The following PGPEP1L variants were observed in gnomAD, a reference collection of about 807,000 sequenced individuals.
PGPEP1L encodes pyroglutamyl-peptidase I like, also known as pyroglutamyl-peptidase 1-like protein.
PGPEP1L carries 7 observed loss-of-function variants against 6.0 expected under a neutral mutation model. The ratio of observed to expected loss-of-function variants is 1.17; its 90% CI spans 0.66 to 2.19. The LOEUF is 2.19. Ranked by LOEUF, PGPEP1L falls within the 30% of genes most tolerant of loss-of-function variation. The pLI is 0.00. For synonymous variants in PGPEP1L, 103 were observed against 83.9 expected (o/e 1.23, Z -1.24); for missense variants, 209 against 192.5 (o/e 1.09, Z -0.51).
intron 2 of PGPEP1L, among the ~76,000 whole-genome samples, chr15:99,001,650 G>A (rs1230943326): frequency 6.6e-6 from 1 of 152,162 alleles, no homozygotes; most frequent in African/African-American, 2.4e-5. Context: ...ATTACTCCAA[G>A]TGAAAAAGAA....
chr15:98,977,782 T>C (rs1349863513), intron 2 of PGPEP1L, among the ~76,000 whole-genome samples: 1 of 152,256 alleles, frequency 6.6e-6, no homozygotes, highest in Non-Finnish European at 1.5e-5. Context: ...TCGTTGACTA[T>C]TAACTGTGAA....
At chr15:98,985,097 C>T (rs912636339) in intron 2 of PGPEP1L, among the ~76,000 whole-genome samples, 11 of 152,072 alleles carry the variant, frequency 7.2e-5, no homozygotes, top group East Asian at 1.9e-4. Flanking sequence ...AGGCACTGGA[C>T]GCAGAGCTTG....
At chr15:98,983,813 G>A (rs2017703755) in intron 2 of PGPEP1L, among the ~76,000 whole-genome samples, 1 of 151,734 alleles carries the variant, frequency 6.6e-6, no homozygotes, top group Non-Finnish European at 1.5e-5. Flanking sequence ...ATAATAATCT[G>A]TCTGTATTTT....
At chr15:98,969,832 GA>G (rs2017467669) in intron 3 of PGPEP1L, among the ~76,000 whole-genome samples, 181 bp from the exon 4 acceptor site, 1 of 152,094 alleles carries the variant, frequency 6.6e-6, no homozygotes, top group African/African-American at 2.4e-5. Context: ...TGGCTGGAAA[GA>G]AAAACAGCTG....
rs564512546 is a variant in PGPEP1L, at chr15:99,006,516, A to G, written c.-370+843T>C. 9.2e-5 allele frequency among the ~76,000 whole-genome samples: 14 copies of G among 152,380 alleles called. No individual in the cohort carries two copies. In the South Asian group the frequency reaches 2.7e-3, roughly 29 times the overall value. On this transcript the variant is annotated intron_variant, in intron 1 of 4. Transcript: ENST00000535714. Reference sequence around the variant, plus strand: ...GTTTTCCAATATCTTGATCTTTCGGAGAATTCTATTTAAAAACAAAACAAA... The same window carrying G: ...GTTTTCCAATATCTTGATCTTTCGGGGAATTCTATTTAAAAACAAAACAAA...
intron 4 of PGPEP1L, among the ~76,000 whole-genome samples, 189 bp from the exon 5 acceptor site, chr15:98,968,886 C>A (rs1298465044): frequency 6.6e-6 from 1 of 152,210 alleles, no homozygotes; most frequent in African/African-American, 2.4e-5. Flanking sequence ...GGCTCTTGGC[C>A]TCATGGCCTC....
chr15:98,998,313 C>G (rs377042865), intron 2 of PGPEP1L: 1 of 152,444 alleles, frequency 6.6e-6, no homozygotes, highest in African/African-American at 2.4e-5. Flanking sequence ...TGCACGTCCC[C>G]TTCCCCATGG....
intron 2 of PGPEP1L, among the ~76,000 whole-genome samples, chr15:98,983,697 G>C (rs748358688): frequency 6.6e-6 from 1 of 152,190 alleles, no homozygotes; most frequent in Non-Finnish European, 1.5e-5. Flanking sequence ...GCCCGTCCTA[G>C]TCTGGCTCAA....
At chr15:98,988,619 CCAG>C (rs2017780109) in intron 2 of PGPEP1L, among the ~76,000 whole-genome samples, 1 of 152,208 alleles carries the variant, frequency 6.6e-6, no homozygotes, top group African/African-American at 2.4e-5. Context: ...AGCGGATCTC[CCAG>C]CAGTGTCTGA....
At chr15:98,977,964 G>C (rs1160862833) in intron 2 of PGPEP1L, among the ~76,000 whole-genome samples, 1 of 152,156 alleles carries the variant, frequency 6.6e-6, no homozygotes, top group Non-Finnish European at 1.5e-5. Context: ...GTGAGCTCTA[G>C]AACACAGCTC....
intron 1 of PGPEP1L, among the ~76,000 whole-genome samples, chr15:99,007,047 C>A (rs1555473754): frequency 1.3e-5 from 2 of 152,112 alleles, no homozygotes; most frequent in African/African-American, 2.4e-5. Flanking sequence ...ATTGGGATCA[C>A]CCCCGCGGAT....
chr15:99,005,988 TA>T (rs1555473570), intron 1 of PGPEP1L, among the ~76,000 whole-genome samples: 1 of 152,154 alleles, frequency 6.6e-6, no homozygotes, highest in African/African-American at 2.4e-5. Context: ...TATGATTTGG[TA>T]AAATTTGATT....
chr15:98,984,213 T>C (rs908286463), intron 2 of PGPEP1L, among the ~76,000 whole-genome samples: 2 of 152,062 alleles, frequency 1.3e-5, no homozygotes, highest in African/African-American at 4.8e-5. Context: ...AGTTTCACCA[T>C]GTTAGCCAAG....
Position 98,969,709 on chromosome 15 carries a change from CA to C in PGPEP1L, c.-18-59del, listed in dbSNP as rs1490927205. The C allele has an allele frequency of 2.6e-6, 4 of 1,556,896 alleles. No homozygotes were observed. In the African/African-American group the frequency reaches 4.1e-5, roughly 16 times the overall value. On this transcript the variant is annotated intron_variant, in intron 3 of 4. Transcript: ENST00000535714. The stretch of plus-strand genomic sequence containing the variant: ...GGAAAACGAGGCCCACCCTGCTCAC[CA>C]AATGTGCAGAAGGGGCCACTCCTTT...
At chr15:98,996,531 T>TGTGTGTATATAGGG (rs1555472500) in intron 2 of PGPEP1L, among the ~76,000 whole-genome samples, 1 of 1,158 alleles carries the variant, frequency 8.6e-4, no homozygotes, top group Non-Finnish European at 2.4e-3. Flanking sequence ...GGTATGTGTG[T>TGTGTGTATATAGGG]GTGTGTGTGT....
At position 98,968,624 on chromosome 15, in the gene PGPEP1L, G is replaced by A. The variant is rs1235587693; in HGVS notation, c.283C>T (p.Pro95Ser). ...CTGGCCGGGAGCCCGCGCGATAGTGGAGGGACATGGATGAGTGCCGCGCAG... is the reference window on the plus strand; with the variant it reads ...CTGGCCGGGAGCCCGCGCGATAGTGAAGGGACATGGATGAGTGCCGCGCAG... ...KGCAALIHVP[P>S]LSRGLPASLL... Residue 95 changes from proline (P) to serine (S), a missense_variant, in exon 5 of 5, where the codon CCA becomes TCA. By Grantham distance (74) the Pro-to-Ser change is moderately conservative. Transcript: ENST00000535714. 7.5e-6 allele frequency: 12 copies of A among 1,603,788 alleles called. No homozygotes were observed. Among genetic ancestry groups the A allele is most frequent in the South Asian group, 1.1e-5 (1 of 88,996 alleles).
At chr15:98,979,741 C>A (rs1200523712) in intron 2 of PGPEP1L, among the ~76,000 whole-genome samples, 3 of 143,574 alleles carry the variant, frequency 2.1e-5, no homozygotes, top group Middle Eastern at 7.6e-3. Context: ...ACTCTGCCTC[C>A]CGGGTTCAAG....
intron 2 of PGPEP1L, among the ~76,000 whole-genome samples, chr15:98,997,052 C>T (rs1212245251): frequency 3.3e-5 from 5 of 152,174 alleles, no homozygotes; most frequent in African/African-American, 1.2e-4. Flanking sequence ...GGAGGCCTGG[C>T]TCTTTTCCAT....
chr15:98,981,084 T>C (rs959159286), intron 2 of PGPEP1L, among the ~76,000 whole-genome samples: 4 of 152,192 alleles, frequency 2.6e-5, no homozygotes, highest in African/African-American at 9.7e-5. Context: ...TTTACCTCTG[T>C]CTTCCTCCCC....
Sources: gnomAD v4.1 joint callset for allele counts (sites outside exome capture counted in the v4.1 genomes callset) on GRCh38, gnomAD v4.1.1 for gene constraint, MANE v1.5 for transcripts, NCBI Gene and HGNC (gene_info 2026-07-23, HGNC 2026-07-21) for gene names.